DPY30: variants seen among roughly 807,000 people sequenced by gnomAD.
DPY30 encodes the protein dpy-30 histone methyltransferase complex regulatory subunit.
In DPY30, 6 loss-of-function variants were observed where a neutral mutation model predicts 16.2. That is an observed-to-expected ratio of 0.37 (90% CI 0.20 to 0.73). DPY30 has a LOEUF of 0.73. Ranked by LOEUF, DPY30 falls within the 30% of genes least tolerant of loss-of-function variation. The probability of loss-of-function intolerance (pLI) is 0.51; values close to 1 mark genes in which losing one functional copy is unlikely to be tolerated. For missense variants in DPY30, 73 were observed against 113.1 expected, an observed-to-expected ratio of 0.65 and a Z score of 1.61; for synonymous variants, 39 against 38.8, an observed-to-expected ratio of 1.00 and a Z score of -0.02.
chr2:32,017,607 C>T (rs1445869480), intron 5 of DPY30, among the ~76,000 whole-genome samples: 1 of 102,984 alleles, frequency 9.7e-6, no homozygotes, highest in Non-Finnish European at 1.9e-5. Context: ...AAGACCAAAA[C>T]ACCATCTCAA....
At chr2:32,016,845 TATATATA>T (rs2064134576) in intron 5 of DPY30, among the ~76,000 whole-genome samples, 2 of 152,140 alleles carry the variant, frequency 1.3e-5, no homozygotes, top group African/African-American at 4.8e-5. Context: ...GATTTCCAGT[TATATATA>T]ATATATGACA....
chr2:32,039,417 A>T lies in DPY30; in HGVS notation c.36+4T>A. The T allele has an allele frequency of 6.2e-7, 1 of 1,614,054 alleles. No individual in the cohort carries two copies. The highest frequency in any genetic ancestry group is 8.5e-7 in the Non-Finnish European group (1 of 1,180,006). Reference sequence around the variant, plus strand: ...GCCACCCTGAATCCACGGCCTCCTGATACCTGCGTTTGTCCCTCCAGCATC... The same window carrying T: ...GCCACCCTGAATCCACGGCCTCCTGTTACCTGCGTTTGTCCCTCCAGCATC... On this transcript the variant is annotated splice_donor_region_variant and intron_variant, in intron 2 of 4. Coordinates refer to ENST00000342166, the MANE Select transcript of DPY30 (RefSeq NM_001321209.2).
chr2:32,036,290 T>A (rs146610462), intron 3 of DPY30, among the ~76,000 whole-genome samples: 1,900 of 152,172 alleles, frequency 0.012, 15 homozygotes, highest in Non-Finnish European at 0.019. Flanking sequence ...GTATTTTTTT[T>A]AAATAATGGC....
At chr2:32,019,863 CAT>C (rs1285150878), downstream of DPY30, among the ~76,000 whole-genome samples, 277 of 139,212 alleles carry the variant, frequency 2.0e-3, no homozygotes, top group Non-Finnish European at 3.3e-3. Flanking sequence ...TATACACACA[CAT>C]ATATATGTGT....
intron 3 of DPY30, among the ~76,000 whole-genome samples, chr2:32,038,114 C>A (rs1023451883): frequency 1.4e-5 from 2 of 147,364 alleles, no homozygotes. Flanking sequence ...GTAGAATTAA[C>A]TTGTATTGCT....
downstream of DPY30, among the ~76,000 whole-genome samples, chr2:32,019,772 A>G (rs1189149761): frequency 6.8e-6 from 1 of 147,606 alleles, no homozygotes; most frequent in Admixed American, 6.8e-5. Flanking sequence ...GTCAGCTGAG[A>G]TCAAGCCATC....
At chr2:32,028,979 T>G (rs538004816) in intron 4 of DPY30, among the ~76,000 whole-genome samples, 14 of 151,558 alleles carry the variant, frequency 9.2e-5, no homozygotes, top group Non-Finnish European at 1.8e-4. Context: ...AAAATAAGAA[T>G]AATAATAATA....
intron 4 of DPY30, among the ~76,000 whole-genome samples, chr2:32,025,070 C>G (rs1317425210): frequency 6.6e-6 from 1 of 152,168 alleles, no homozygotes; most frequent in Non-Finnish European, 1.5e-5. Context: ...ATTCCCAGAG[C>G]ACTTTAAACA....
intron 5 of DPY30, among the ~76,000 whole-genome samples, chr2:32,012,419 CTTTTTTTT>C (rs397984233): frequency 2.4e-4 from 20 of 81,686 alleles, no homozygotes; most frequent in African/African-American, 3.3e-4. Flanking sequence ...TCTCTTTTTT[CTTTTTTTT>C]TTTTTTTTTT....
intron 3 of DPY30, among the ~76,000 whole-genome samples, chr2:32,036,652 C>T (rs1429472269): frequency 7.2e-6 from 1 of 139,796 alleles, no homozygotes; most frequent in Non-Finnish European, 1.5e-5. Context: ...GCCTGGGCGA[C>T]AGAGCAAGAC....
At chr2:32,033,382 G>C (rs1450383220) in intron 3 of DPY30, among the ~76,000 whole-genome samples, 2 of 149,314 alleles carry the variant, frequency 1.3e-5, no homozygotes, top group African/African-American at 4.9e-5. Flanking sequence ...CAATAAGAAA[G>C]AGCAATGTGG....
At chr2:32,015,768 T>C (rs928419755) in intron 5 of DPY30, among the ~76,000 whole-genome samples, 3 of 151,252 alleles carry the variant, frequency 2.0e-5, no homozygotes, top group Non-Finnish European at 4.4e-5. Context: ...GGCAGGAGGA[T>C]TGCTTGAGCC....
At chr2:32,023,761 T>C, downstream of DPY30, 1 of 1,304,940 alleles carries the variant, frequency 7.7e-7, no homozygotes, top group Non-Finnish European at 1.0e-6. Context: ...ATTGGCTGAA[T>C]TTTTTAAATT....
At chr2:32,019,766 G>A (rs1675135944), downstream of DPY30, among the ~76,000 whole-genome samples, 1 of 145,076 alleles carries the variant, frequency 6.9e-6, no homozygotes, top group South Asian at 2.2e-4. Flanking sequence ...GTTGCAGTCA[G>A]CTGAGATCAA....
chr2:32,011,827 T>G (rs1179527273), downstream of DPY30: 1 of 152,244 alleles, frequency 6.6e-6, no homozygotes, highest in Non-Finnish European at 1.5e-5. Context: ...CCTGAGGCAG[T>G]AGGACTGCCT....
chr2:32,036,943 C>G (rs1675765003), intron 3 of DPY30, among the ~76,000 whole-genome samples: 1 of 152,054 alleles, frequency 6.6e-6, no homozygotes, highest in African/African-American at 2.4e-5. Context: ...AAGAAAATCT[C>G]AAAAGTAGCA....
At chr2:32,021,686 A>G (rs540316382), downstream of DPY30, among the ~76,000 whole-genome samples, 1 of 151,988 alleles carries the variant, frequency 6.6e-6, no homozygotes, top group South Asian at 2.1e-4. Context: ...CTCAAAAAAA[A>G]AAAAAGCAAC....
chr2:32,028,419 T>C (rs1675413344), intron 4 of DPY30, among the ~76,000 whole-genome samples: 2 of 152,206 alleles, frequency 1.3e-5, no homozygotes, highest in African/African-American at 4.8e-5. Context: ...CCAATTTTCT[T>C]ATTAGATTTG....
intron 5 of DPY30, chr2:32,013,305 A>AT (rs1355074595): frequency 1.3e-5 from 2 of 152,218 alleles, no homozygotes; most frequent in Admixed American, 6.5e-5. Context: ...CCCTATTAAA[A>AT]TGCTCTACTG....
Sources: allele counts gnomAD v4.1 joint callset (sites outside exome capture counted in the v4.1 genomes callset), GRCh38; gene constraint gnomAD v4.1.1; transcripts MANE v1.5; gene names NCBI Gene and HGNC (gene_info 2026-07-23, HGNC 2026-07-21).